Variants in CTNNA2 observed in about 807,000 individuals in gnomAD.
CTNNA2 encodes catenin alpha-2.
A neutral mutation model predicts 101.0 loss-of-function variants in CTNNA2; 42 were observed. The ratio of observed to expected loss-of-function variants is 0.42; its 90% CI spans 0.32 to 0.54. The LOEUF is 0.54. Among genes scored for constraint, CTNNA2 ranks in the 20% least tolerant of loss-of-function variants. CTNNA2 has a pLI of 0.14. For synonymous variants in CTNNA2, 450 were observed against 456.4 expected (o/e 0.99, Z 0.18); for missense variants, 871 against 1,223.1 (o/e 0.71, Z 4.29).
chr2:79,790,905 A>G (rs2105251303), intron 3 of CTNNA2, among the ~76,000 whole-genome samples: 1 of 152,366 alleles, frequency 6.6e-6, no homozygotes, highest in East Asian at 1.9e-4. Context: ...CCTCAGAAGT[A>G]GAAATTATGA....
At chr2:79,431,550 A>C (rs1025105913) in intron 4 of CTNNA2, among the ~76,000 whole-genome samples, 2 of 152,214 alleles carry the variant, frequency 1.3e-5, no homozygotes, top group Non-Finnish European at 2.9e-5. Context: ...ACTCCTGCCC[A>C]CATTTCACTG....
At chr2:79,881,934 G>A (rs2104123756) in intron 6 of CTNNA2, among the ~76,000 whole-genome samples, 1 of 150,828 alleles carries the variant, frequency 6.6e-6, no homozygotes, top group South Asian at 2.1e-4. Flanking sequence ...TGTTTTTGCA[G>A]TGGCTGGTAC....
intron 7 of CTNNA2, among the ~76,000 whole-genome samples, chr2:80,123,258 G>A (rs895608448): frequency 6.6e-6 from 1 of 152,190 alleles, no homozygotes; most frequent in Admixed American, 6.5e-5. Context: ...TGGAGAAACC[G>A]GGTCGTCCTT....
chr2:80,354,305 G>C (rs1310591775), intron 7 of CTNNA2, among the ~76,000 whole-genome samples: 2 of 152,146 alleles, frequency 1.3e-5, no homozygotes, highest in Non-Finnish European at 2.9e-5. Context: ...GTGAAGATGG[G>C]AATATACTAC....
At chr2:79,930,294 G>GAGAAAGAAAGAA (rs764326702) in intron 7 of CTNNA2, among the ~76,000 whole-genome samples, 11 of 121,964 alleles carry the variant, frequency 9.0e-5, no homozygotes, top group South Asian at 5.8e-4. Context: ...GAGAGAGAAA[G>GAGAAAGAAAGAA]AGAAAGAAAG....
chr2:79,468,264 G>A (rs571144406), intron 4 of CTNNA2, among the ~76,000 whole-genome samples: 3 of 152,080 alleles, frequency 2.0e-5, no homozygotes, highest in African/African-American at 7.3e-5. Flanking sequence ...AACCAAAAAA[G>A]ATCAAAAGAG....
At chr2:79,639,562 C>T (rs1680306862) in intron 1 of CTNNA2, among the ~76,000 whole-genome samples, 2 of 151,962 alleles carry the variant, frequency 1.3e-5, no homozygotes, top group African/African-American at 4.8e-5. Flanking sequence ...CATAAGTCCT[C>T]ATTAAAAGTT....
intron 18 of CTNNA2, among the ~76,000 whole-genome samples, chr2:80,643,474 T>TC (rs1673709624): frequency 1.3e-5 from 2 of 152,208 alleles, no homozygotes; most frequent in African/African-American, 4.8e-5. Context: ...CCCTTGTTTT[T>TC]AAACTAGCTG....
chr2:80,589,218 C>G, intron 14 of CTNNA2, 86 bp from the exon 15 acceptor site: 1 of 1,376,158 alleles, frequency 7.3e-7, no homozygotes, highest in South Asian at 1.3e-5. Context: ...CAGGGTCTGG[C>G]TCTGCCATCC....
intron 12 of CTNNA2, among the ~76,000 whole-genome samples, chr2:80,558,855 T>C (rs144253356): frequency 2.0e-5 from 3 of 152,186 alleles, no homozygotes; most frequent in African/African-American, 7.2e-5. Context: ...TTTTGTTTGA[T>C]ATTTTATTTT....
intron 3 of CTNNA2, among the ~76,000 whole-genome samples, chr2:79,842,405 G>A (rs1340915826): frequency 6.6e-6 from 1 of 152,130 alleles, no homozygotes; most frequent in Non-Finnish European, 1.5e-5. Flanking sequence ...TAGATATAAG[G>A]CTTAGAACAG....
intron 1 of CTNNA2, among the ~76,000 whole-genome samples, chr2:79,577,871 G>T (rs953606471): frequency 1.3e-5 from 2 of 152,136 alleles, no homozygotes; most frequent in African/African-American, 4.8e-5. Context: ...TGTTTAGGAA[G>T]AAGTTGATTA....
intron 1 of CTNNA2, among the ~76,000 whole-genome samples, chr2:79,648,162 A>G (rs1011509680): frequency 6.6e-6 from 1 of 152,204 alleles, no homozygotes; most frequent in Admixed American, 6.5e-5. Flanking sequence ...ATTCATAAAT[A>G]TTGAATGTAC....
chr2:80,618,671 A>T (rs1340096617), intron 17 of CTNNA2: 1 of 153,230 alleles, frequency 6.5e-6, no homozygotes, highest in East Asian at 1.9e-4. Context: ...GGGCGATGGA[A>T]CTTCCAAGAA....
chr2:79,826,901 G>C lies in CTNNA2; in HGVS notation c.299-31112G>C, dbSNP rs530921697. Among the ~76,000 whole-genome samples the C allele has an allele frequency of 6.6e-5, 10 of 152,320 alleles. No individual in the cohort carries two copies. The East Asian group carries it at 1.7e-3, about 26-fold the overall frequency. ...TCACATCCGGACTCAGGAAGAGAAA[G>C]AGAGTCATTAAACTGGCTTCGGAGA... On this transcript the variant is annotated intron_variant, in intron 3 of 18. Coordinates refer to ENST00000402739, the MANE Select transcript of CTNNA2 (RefSeq NM_001282597.3).
intron 7 of CTNNA2, among the ~76,000 whole-genome samples, chr2:80,037,504 T>C (rs1695747176): frequency 6.6e-6 from 1 of 152,196 alleles, no homozygotes; most frequent in African/African-American, 2.4e-5. Flanking sequence ...AAATTGTTAA[T>C]GACATTAATA....
intron 4 of CTNNA2, among the ~76,000 whole-genome samples, chr2:79,476,435 C>G (rs1671050530): frequency 6.6e-6 from 1 of 152,128 alleles, no homozygotes; most frequent in Non-Finnish European, 1.5e-5. Flanking sequence ...AACCATTAAC[C>G]TATATTTGTA....
At chr2:80,223,448 A>G (rs548390322) in intron 7 of CTNNA2, among the ~76,000 whole-genome samples, 2 of 152,222 alleles carry the variant, frequency 1.3e-5, no homozygotes, top group East Asian at 1.9e-4. Context: ...CTAATTTTGT[A>G]TATTTAGTAG....
chr2:79,256,764 C>G (rs1385428287), intron 2 of CTNNA2, among the ~76,000 whole-genome samples: 2 of 152,170 alleles, frequency 1.3e-5, no homozygotes, highest in Non-Finnish European at 2.9e-5. Context: ...GTTCTTCAAT[C>G]TGTAGTAACC....
Sources: gnomAD v4.1 joint callset for allele counts (sites outside exome capture counted in the v4.1 genomes callset) on GRCh38, gnomAD v4.1.1 for gene constraint, MANE v1.5 for transcripts, NCBI Gene and HGNC (gene_info 2026-07-23, HGNC 2026-07-21) for gene names.